The following WDPCP variants were observed in gnomAD, a reference collection of about 807,000 sequenced individuals.
The protein encoded by WDPCP is WD repeat containing planar cell polarity effector.
A neutral mutation model predicts 93.1 loss-of-function variants in WDPCP; 71 were observed. The observed-to-expected ratio is 0.76, with a 90% CI of 0.63 to 0.93. The LOEUF (loss-of-function observed/expected upper bound fraction) is 0.93. Ranked by LOEUF, WDPCP falls within the 40% of genes least tolerant of loss-of-function variation. WDPCP has a pLI of 0.00. For synonymous variants in WDPCP, 315 were observed against 315.0 expected, an observed-to-expected ratio of 1.00 and a Z score of 0.00; for missense variants, 844 against 887.4, an observed-to-expected ratio of 0.95 and a Z score of 0.62.
At chr2:63,396,049 T>C (rs916329581) in intron 10 of WDPCP, among the ~76,000 whole-genome samples, 3 of 152,170 alleles carry the variant, frequency 2.0e-5, no homozygotes, top group Non-Finnish European at 4.4e-5. Flanking sequence ...ATTTTAAATG[T>C]GTGTATTTTA....
intron 12 of WDPCP, among the ~76,000 whole-genome samples, chr2:63,344,239 C>T (rs1689039035): frequency 4.6e-5 from 7 of 152,138 alleles, no homozygotes; most frequent in Admixed American, 3.3e-4. Context: ...GCCTGTATTC[C>T]TTGTCATTTG....
intron 6 of WDPCP, among the ~76,000 whole-genome samples, chr2:63,483,146 C>T (rs1700367218): frequency 6.6e-6 from 1 of 151,848 alleles, no homozygotes; most frequent in Non-Finnish European, 1.5e-5. Context: ...CCAATTTACC[C>T]TGTGTGATGG....
At chr2:63,536,158 A>G (rs1206095768) in intron 1 of WDPCP, among the ~76,000 whole-genome samples, 1 of 152,200 alleles carries the variant, frequency 6.6e-6, no homozygotes, top group Non-Finnish European at 1.5e-5. Context: ...CAAAACCACA[A>G]TGAGATACCA....
At chr2:63,699,713 A>T (rs1350758385) in intron 2 of WDPCP, among the ~76,000 whole-genome samples, 1 of 152,254 alleles carries the variant, frequency 6.6e-6, no homozygotes, top group East Asian at 1.9e-4. Context: ...GGTATCCCAT[A>T]GCCAGGGCAA....
intron 15 of WDPCP, among the ~76,000 whole-genome samples, chr2:63,156,086 GC>G (rs1482842427): frequency 6.6e-6 from 1 of 151,862 alleles, no homozygotes; most frequent in East Asian, 1.9e-4. Flanking sequence ...TGCAACCTCC[GC>G]CCCCCGGATT....
intron 10 of WDPCP, 85 bp from the exon 11 acceptor site, chr2:63,382,179 A>G: frequency 2.2e-6 from 3 of 1,372,952 alleles, no homozygotes; most frequent in Non-Finnish European, 3.0e-6. Context: ...AAAGAAAAAA[A>G]CCTATATTGC....
chr2:63,684,477 G>A, intron 2 of WDPCP: 2 of 771,814 alleles, frequency 2.6e-6, no homozygotes, highest in East Asian at 2.6e-5. Context: ...GCTGTCATGG[G>A]CAAGAAGAAG....
At chr2:63,318,133 T>C (rs1043495451) in intron 12 of WDPCP, among the ~76,000 whole-genome samples, 2 of 152,050 alleles carry the variant, frequency 1.3e-5, no homozygotes, top group African/African-American at 4.8e-5. Flanking sequence ...CTTCTCAAAG[T>C]AAGACACTCA....
At chr2:63,416,373 T>C (rs1695420949) in intron 9 of WDPCP, among the ~76,000 whole-genome samples, 1 of 151,716 alleles carries the variant, frequency 6.6e-6, no homozygotes, top group Non-Finnish European at 1.5e-5. Context: ...CTAATTTTTG[T>C]ATTTTTAATA....
chr2:63,322,348 C>T (rs931240008), intron 12 of WDPCP, among the ~76,000 whole-genome samples: 2 of 152,232 alleles, frequency 1.3e-5, no homozygotes, highest in African/African-American at 2.4e-5. Flanking sequence ...GCAGTGGCAA[C>T]CCGCTCGGGT....
rs559429215 is a variant in WDPCP at position 63,439,873 on chromosome 2, TA to T, written c.385-3del. On this transcript the variant is annotated splice_polypyrimidine_tract_variant and splice_region_variant and intron_variant, in intron 6 of 17. Coordinates refer to ENST00000272321, the MANE Select transcript of WDPCP (RefSeq NM_015910.7). ...CAGCACACCTGAACCAAAAAGGAGC[TA>T]AAACCAGGTAAGTGGGGGAGAGAGG... The T allele has an allele frequency of 3.2e-4, 520 of 1,611,648 alleles. 1 individual carries two copies. The African/African-American group carries it at 6.7e-3, about 21-fold the overall frequency.
At chr2:63,770,084 G>A in intron 2 of WDPCP, among the ~76,000 whole-genome samples, 1 of 151,790 alleles carries the variant, frequency 6.6e-6, no homozygotes, top group Non-Finnish European at 1.5e-5. Flanking sequence ...CTAGAAATCA[G>A]TAATAAAGGA....
intron 1 of WDPCP, among the ~76,000 whole-genome samples, chr2:63,537,362 A>T (rs1704369264): frequency 6.6e-6 from 1 of 151,978 alleles, no homozygotes; most frequent in African/African-American, 2.4e-5. Flanking sequence ...CTCTAATTTG[A>T]CTCTTTCGAA....
intron 3 of WDPCP, among the ~76,000 whole-genome samples, chr2:63,645,869 C>T (rs1472856971): frequency 6.6e-6 from 1 of 152,150 alleles, no homozygotes; most frequent in Non-Finnish European, 1.5e-5. Context: ...TTTTCCATCC[C>T]TTTACATTCA....
At chr2:63,584,357 T>C (rs1287696656) in intron 1 of WDPCP, among the ~76,000 whole-genome samples, 1 of 152,214 alleles carries the variant, frequency 6.6e-6, no homozygotes, top group Non-Finnish European at 1.5e-5. Flanking sequence ...ACAGTATTTG[T>C]TGCAAATTTT....
intron 2 of WDPCP, among the ~76,000 whole-genome samples, chr2:63,759,072 T>C (rs937023473): frequency 3.3e-5 from 5 of 151,528 alleles, no homozygotes; most frequent in Admixed American, 6.6e-5. Flanking sequence ...TGAGGCACCA[T>C]GCACGGCCAA....
At chr2:63,604,921 G>A in intron 3 of WDPCP, 1 of 1,587,834 alleles carries the variant, frequency 6.3e-7, no homozygotes, top group Non-Finnish European at 8.6e-7. Context: ...AAGAACTCTT[G>A]AGAGACTCTT....
At chr2:63,391,699 T>C (rs1037745750) in intron 10 of WDPCP, among the ~76,000 whole-genome samples, 2 of 152,150 alleles carry the variant, frequency 1.3e-5, no homozygotes, top group Admixed American at 6.6e-5. Context: ...AGTCTCAGGA[T>C]ACAAAATCAA....
chr2:63,699,978 G>A (rs985170674), intron 2 of WDPCP, among the ~76,000 whole-genome samples: 6 of 152,144 alleles, frequency 3.9e-5, no homozygotes, highest in East Asian at 1.9e-4. Flanking sequence ...ATTGCTGTGG[G>A]TAAGGCCAAG....
Sources: gnomAD v4.1 joint callset for allele counts (sites outside exome capture counted in the v4.1 genomes callset) on GRCh38, gnomAD v4.1.1 for gene constraint, MANE v1.5 for transcripts, NCBI Gene and HGNC (gene_info 2026-07-23, HGNC 2026-07-21) for gene names.